The following UBE2R2 variants were observed in gnomAD, a reference collection of about 807,000 sequenced individuals.
UBE2R2 encodes ubiquitin conjugating enzyme E2 R2.
A neutral mutation model predicts 27.8 loss-of-function variants in UBE2R2; 1 was observed. That is an observed-to-expected ratio of 0.04 (90% confidence interval 0.01 to 0.17). The LOEUF is 0.17. UBE2R2 is among the 10% of genes least tolerant of loss of function. UBE2R2 has a pLI of 1.00. For synonymous variants in UBE2R2, 106 were observed against 113.3 expected, an observed-to-expected ratio of 0.94 and a Z score of 0.41; for missense variants, 100 against 291.0, an observed-to-expected ratio of 0.34 and a Z score of 4.78.
chr9:33,901,045 TC>T (rs1284409911), intron 3 of UBE2R2, among the ~76,000 whole-genome samples: 1 of 152,160 alleles, frequency 6.6e-6, no homozygotes, highest in Admixed American at 6.5e-5. Context: ...AGCCTCGACC[TC>T]CTGGGCTCAA....
chr9:33,913,037 T>C (rs1235101695), intron 4 of UBE2R2, among the ~76,000 whole-genome samples: 1 of 151,362 alleles, frequency 6.6e-6, no homozygotes, highest in African/African-American at 2.4e-5. Context: ...CTCGGCTCAC[T>C]GCAGCCTCTA....
intron 1 of UBE2R2, among the ~76,000 whole-genome samples, chr9:33,864,373 A>G (rs1431195678): frequency 6.6e-6 from 1 of 152,142 alleles, no homozygotes; most frequent in Non-Finnish European, 1.5e-5. Flanking sequence ...CAAACCATTC[A>G]TGAGTTATAT....
intron 1 of UBE2R2, among the ~76,000 whole-genome samples, chr9:33,883,208 GTTTTC>G (rs1230560691): frequency 1.3e-5 from 2 of 152,120 alleles, no homozygotes; most frequent in Non-Finnish European, 2.9e-5. Context: ...TTACACCTAT[GTTTTC>G]TTTTAAGAAT....
At chr9:33,877,371 A>G (rs542790609) in intron 1 of UBE2R2, among the ~76,000 whole-genome samples, 1 of 151,774 alleles carries the variant, frequency 6.6e-6, no homozygotes, top group Admixed American at 6.6e-5. Context: ...TTTAGTAGAG[A>G]TGGGGTTACT....
chr9:33,826,872 C>T (rs777328627), intron 1 of UBE2R2, among the ~76,000 whole-genome samples: 18 of 152,084 alleles, frequency 1.2e-4, no homozygotes, highest in Non-Finnish European at 1.8e-4. Flanking sequence ...CACCTGAGCT[C>T]GGAAGTTCGA....
chr9:33,829,970 T>G (rs1820418571), intron 1 of UBE2R2, among the ~76,000 whole-genome samples: 1 of 151,646 alleles, frequency 6.6e-6, no homozygotes, highest in Non-Finnish European at 1.5e-5. Flanking sequence ...GCTAATTTTG[T>G]ACTTTTAGTA....
At chr9:33,894,348 C>T (rs564561335) in intron 2 of UBE2R2, among the ~76,000 whole-genome samples, 2 of 152,308 alleles carry the variant, frequency 1.3e-5, no homozygotes, top group Admixed American at 1.3e-4. Context: ...CTTTGCATTA[C>T]CCACATGGCT....
chr9:33,869,804 G>A (rs1821445753), intron 1 of UBE2R2, among the ~76,000 whole-genome samples: 1 of 151,640 alleles, frequency 6.6e-6, no homozygotes, highest in Non-Finnish European at 1.5e-5. Context: ...GTACATCTTT[G>A]CCTAGATATT....
chr9:33,888,425 A>AG (rs1312586638), intron 2 of UBE2R2, among the ~76,000 whole-genome samples: 1 of 152,226 alleles, frequency 6.6e-6, no homozygotes, highest in Non-Finnish European at 1.5e-5. Flanking sequence ...TTGCCATCTT[A>AG]GTCATGCATC....
chr9:33,838,258 T>C (rs948246920), intron 1 of UBE2R2, among the ~76,000 whole-genome samples: 1 of 148,320 alleles, frequency 6.7e-6, no homozygotes, highest in African/African-American at 2.5e-5. Context: ...TTATTGCTTT[T>C]TTTACTGTTT....
chr9:33,831,400 C>T lies in UBE2R2; in HGVS notation c.177+13466C>T, dbSNP rs531249541. On this transcript the variant is annotated intron_variant, in intron 1 of 4. Coordinates refer to ENST00000263228, the MANE Select transcript of UBE2R2 (RefSeq NM_017811.4). ...TTTTGTTATTCAAAAGAATATTTTC[C>T]TTCTTATGACTTAATACTTTTTGTT... Among the ~76,000 whole-genome samples the T allele has an allele frequency of 2.2e-4, 33 of 152,124 alleles. No homozygotes were observed. The South Asian group carries it at 6.6e-3, about 31-fold the overall frequency.
intron 1 of UBE2R2, among the ~76,000 whole-genome samples, chr9:33,864,310 C>G (rs1821311905): frequency 6.6e-6 from 1 of 152,114 alleles, no homozygotes; most frequent in Non-Finnish European, 1.5e-5. Context: ...GATCAGTTAC[C>G]CAGGATGTCT....
At chr9:33,892,989 C>G (rs1822022314) in intron 2 of UBE2R2, among the ~76,000 whole-genome samples, 1 of 152,108 alleles carries the variant, frequency 6.6e-6, no homozygotes, top group Non-Finnish European at 1.5e-5. Context: ...GCAGGGAGAT[C>G]CCTTGAGCCC....
chr9:33,871,367 T>C (rs1821480336), intron 1 of UBE2R2, among the ~76,000 whole-genome samples: 1 of 152,192 alleles, frequency 6.6e-6, no homozygotes, highest in African/African-American at 2.4e-5. Context: ...TAACTAAAAA[T>C]AGGTGTCTGA....
chr9:33,905,631 A>G (rs1822337432), intron 3 of UBE2R2, among the ~76,000 whole-genome samples: 1 of 152,248 alleles, frequency 6.6e-6, no homozygotes, highest in South Asian at 2.1e-4. Context: ...CAGCCTAAAG[A>G]GAAACTTTAT....
intron 2 of UBE2R2, among the ~76,000 whole-genome samples, chr9:33,892,177 T>C (rs1285295194): frequency 1.3e-5 from 2 of 152,150 alleles, no homozygotes; most frequent in Non-Finnish European, 2.9e-5. Context: ...GCACAATCTA[T>C]TTCCTTTCTG....
chr9:33,856,659 A>G (rs1821107352), intron 1 of UBE2R2, among the ~76,000 whole-genome samples: 1 of 151,452 alleles, frequency 6.6e-6, no homozygotes, highest in African/African-American at 2.4e-5. Flanking sequence ...TCAGTTGTGT[A>G]TGATTACATT....
intron 2 of UBE2R2, 59 bp from the exon 3 acceptor site, chr9:33,900,115 G>C: frequency 1.5e-6 from 2 of 1,360,268 alleles, no homozygotes; most frequent in Middle Eastern, 1.8e-4. Context: ...TAGAACCGAT[G>C]TCCCTTTTTG....
intron 1 of UBE2R2, among the ~76,000 whole-genome samples, chr9:33,881,042 T>C (rs1263808715): frequency 2.6e-5 from 4 of 152,204 alleles, no homozygotes; most frequent in Non-Finnish European, 5.9e-5. Context: ...TAATTATGCA[T>C]TTTTCTATTT....
Sources: gnomAD v4.1 joint callset for allele counts (sites outside exome capture counted in the v4.1 genomes callset) on GRCh38, gnomAD v4.1.1 for gene constraint, MANE v1.5 for transcripts, NCBI Gene and HGNC (gene_info 2026-07-23, HGNC 2026-07-21) for gene names.